The following TET3 variants were observed in gnomAD, a reference collection of about 807,000 sequenced individuals.
TET3 encodes methylcytosine dioxygenase TET3.
In TET3, 19 loss-of-function variants were observed where a neutral mutation model predicts 141.4. The ratio of observed to expected loss-of-function variants is 0.13; its 90% CI spans 0.09 to 0.20. The LOEUF (loss-of-function observed/expected upper bound fraction) is 0.20. TET3 is among the 10% of genes least tolerant of loss of function. The probability of loss-of-function intolerance (pLI) is 1.00; values close to 1 mark genes in which losing one functional copy is unlikely to be tolerated. For synonymous variants in TET3, 1,043 were observed against 980.9 expected (o/e 1.06, Z -1.18); for missense variants, 1,874 against 2,356.9 (o/e 0.80, Z 4.24).
chr2:74,013,119 C>T (rs577331512), intron 3 of TET3, among the ~76,000 whole-genome samples: 85 of 152,022 alleles, frequency 5.6e-4, no homozygotes, highest in Middle Eastern at 3.4e-3. Context: ...CTCAGCCTCC[C>T]GAGTAGCTGG....
downstream of TET3, among the ~76,000 whole-genome samples, chr2:74,109,369 A>T (rs978197869): frequency 6.6e-6 from 1 of 152,230 alleles, no homozygotes; most frequent in Admixed American, 6.5e-5. Flanking sequence ...TACGACCCAT[A>T]TGTATTTTTT....
At chr2:74,118,371 C>A in the TET3 span, among the ~76,000 whole-genome samples, 2 of 152,168 alleles carry the variant, frequency 1.3e-5, no homozygotes, top group Non-Finnish European at 2.9e-5. Context: ...AGTTGCCCAC[C>A]ATTTCAGACA....
intron 4 of TET3, among the ~76,000 whole-genome samples, chr2:74,063,297 A>G (rs1688699132): frequency 6.6e-6 from 1 of 152,162 alleles, no homozygotes; most frequent in Non-Finnish European, 1.5e-5. Flanking sequence ...TTAAGGTGGT[A>G]AGAGCAAGAG....
At chr2:74,048,446 A>T (rs752321491) in intron 4 of TET3, 35 bp downstream of exon 4, 1 of 1,566,364 alleles carries the variant, frequency 6.4e-7, no homozygotes, top group Non-Finnish European at 8.7e-7. Context: ...AGGGCAGAGA[A>T]AGGGCTGTGG....
At chr2:74,052,011 G>A (rs963462129) in intron 4 of TET3, among the ~76,000 whole-genome samples, 10 of 152,146 alleles carry the variant, frequency 6.6e-5, no homozygotes, top group East Asian at 3.8e-4. Context: ...CATGCTTCTC[G>A]CTCTGTTGCC....
the TET3 span, among the ~76,000 whole-genome samples, chr2:74,117,467 G>C: frequency 6.6e-6 from 1 of 152,100 alleles, no homozygotes; most frequent in Admixed American, 6.5e-5. Flanking sequence ...TCTGCCTCCT[G>C]TGAGGCTCAA....
At chr2:74,071,602 G>A (rs1019366654) in intron 4 of TET3, among the ~76,000 whole-genome samples, 8 of 152,098 alleles carry the variant, frequency 5.3e-5, no homozygotes, top group East Asian at 1.9e-4. Flanking sequence ...AGAAATTAAC[G>A]TTGGTACAAT....
chr2:74,066,422 CAGA>C (rs1036471741), intron 4 of TET3, among the ~76,000 whole-genome samples: 2 of 152,094 alleles, frequency 1.3e-5, no homozygotes, highest in African/African-American at 4.8e-5. Context: ...TATGCATGCA[CAGA>C]AGATTATAGT....
intron 4 of TET3, among the ~76,000 whole-genome samples, chr2:74,051,606 G>C (rs545886653): frequency 6.6e-6 from 1 of 152,178 alleles, no homozygotes; most frequent in Non-Finnish European, 1.5e-5. Flanking sequence ...TAGGAGACCC[G>C]TTAGGAAGCT....
At chr2:74,128,816 T>TACA in the TET3 span, among the ~76,000 whole-genome samples, 1,379 of 150,290 alleles carry the variant, frequency 9.2e-3, 18 homozygotes, top group African/African-American at 0.028. Flanking sequence ...ACCTCAACTC[T>TACA]ACAACAACAA....
chr2:74,110,777 C>T (rs1055618703), downstream of TET3, among the ~76,000 whole-genome samples: 9 of 152,244 alleles, frequency 5.9e-5, no homozygotes, highest in East Asian at 1.5e-3. Flanking sequence ...TGTACACACA[C>T]CCCTGCTGCT....
upstream of TET3, among the ~76,000 whole-genome samples, chr2:73,984,584 G>C (rs1197446711): frequency 6.6e-6 from 1 of 151,858 alleles, no homozygotes; most frequent in Non-Finnish European, 1.5e-5. This position sits in a 1 kb window ranked among gnomAD's most constrained non-coding sequence, Gnocchi z 5.6. Flanking sequence ...TGGAAGGTCC[G>C]CGTGCCCCAC....
Position 74,093,741 on chromosome 2 carries a change from G to C in TET3, c.3267+75G>C, listed in dbSNP as rs1690645131. ...GAGTCCACCGTGGTCTTTTCAGAAA[G>C]GCAGGCTGAGGGTAGGGAGGGACCT... On this transcript the variant is annotated intron_variant, in intron 10 of 11. Transcript: ENST00000409262. This position sits in a 1 kb window ranked among gnomAD's most constrained non-coding sequence, Gnocchi z 4.2. 1.4e-6 allele frequency: 2 copies of C among 1,443,826 alleles called. No homozygotes were observed. Among genetic ancestry groups the C allele is most frequent in the South Asian group, 3.0e-5 (2 of 67,102 alleles). 89.4% of individuals were successfully genotyped at this position (1,443,826 alleles called of 1,614,324 possible).
chr2:73,987,646 C>T (rs546810454), intron 2 of TET3, among the ~76,000 whole-genome samples: 10 of 152,314 alleles, frequency 6.6e-5, no homozygotes, highest in South Asian at 4.1e-4. Context: ...TGGACAGAGA[C>T]GGAGGCCTGC....
the TET3 span, among the ~76,000 whole-genome samples, chr2:74,130,226 T>C: frequency 6.6e-6 from 1 of 152,210 alleles, no homozygotes; most frequent in Non-Finnish European, 1.5e-5. Context: ...AGGTGTACTC[T>C]CATCTGCCAC....
At position 74,047,554 on chromosome 2, in the gene TET3, C is replaced by T. The variant is rs183678709; in HGVS notation, c.1637C>T (p.Thr546Ile). 1.4e-3 allele frequency: 2,293 copies of T among 1,613,890 alleles called. 4 individuals are homozygous for T. The highest frequency in any genetic ancestry group is 4.8e-3 in the South Asian group (441 of 91,084). ...CTCTTCCTAGAACAGGTGCACGACA[C>T]CTCCTTCCCTGCTCCTTCAGAGCCT... ...RSLFLEQVHD[T>I]SFPAPSEPSA... The change falls in exon 4 of 12, where the codon ACC becomes ATC. Residue 546 changes from threonine (T) to isoleucine (I), a missense_variant. This residue lies in a region of TET3 where 484 missense variants were observed against 462.2 expected (regional missense o/e 1.05). Transcript: ENST00000409262.
intron 2 of TET3, 43 bp downstream of exon 2, chr2:73,986,749 G>T (rs1684047031): frequency 8.1e-7 from 1 of 1,229,804 alleles, no homozygotes; most frequent in Non-Finnish European, 1.0e-6. Flanking sequence ...TTCCTCGAGG[G>T]CACGGTGATC....
At chr2:74,067,534 A>G (rs762688807) in intron 4 of TET3, among the ~76,000 whole-genome samples, 7 of 152,230 alleles carry the variant, frequency 4.6e-5, no homozygotes, top group Non-Finnish European at 8.8e-5. Context: ...AGTATTTGTT[A>G]TTCTGTGCTA....
intron 7 of TET3, among the ~76,000 whole-genome samples, chr2:74,089,340 C>A (rs1345045739): frequency 1.3e-5 from 2 of 152,146 alleles, no homozygotes. Context: ...GTAGCTCGTT[C>A]CTTTTTATCA....
Sources: gnomAD v4.1 joint callset for allele counts (sites outside exome capture counted in the v4.1 genomes callset) on GRCh38, gnomAD v4.1.1 for gene constraint, gnomAD v4.1.1 regional missense constraint, Gnocchi (gnomAD v3.1) non-coding constraint, MANE v1.5 for transcripts, NCBI Gene and HGNC (gene_info 2026-07-23, HGNC 2026-07-21) for gene names.